Variants in PITPNC1 observed in about 807,000 individuals in gnomAD.
PITPNC1 encodes the protein cytoplasmic phosphatidylinositol transfer protein 1.
Under a neutral mutation model 44.7 loss-of-function variants are expected in PITPNC1, and 18 were observed. The observed-to-expected ratio is 0.40, with a 90% confidence interval of 0.28 to 0.60. The LOEUF is 0.60. PITPNC1 is among the 20% of genes least tolerant of loss of function. The pLI, the probability that PITPNC1 is intolerant of heterozygous loss-of-function variation, is 0.39. For missense variants in PITPNC1, 290 were observed against 418.4 expected (o/e 0.69, Z 2.68); for synonymous variants, 141 against 149.6 (o/e 0.94, Z 0.42).
At chr17:67,382,146 G>A (rs1344866962) in intron 1 of PITPNC1, among the ~76,000 whole-genome samples, 1 of 152,166 alleles carries the variant, frequency 6.6e-6, no homozygotes, top group African/African-American at 2.4e-5. Flanking sequence ...AACAGATAAA[G>A]TCAGCACTAT....
intron 1 of PITPNC1, among the ~76,000 whole-genome samples, chr17:67,525,612 ACACCACTTGG>A (rs1405993050): frequency 1.3e-5 from 2 of 152,204 alleles, no homozygotes; most frequent in Non-Finnish European, 2.9e-5. Flanking sequence ...TAGAATTTTG[ACACCACTTGG>A]CATGAAGCAA....
intron 8 of PITPNC1, among the ~76,000 whole-genome samples, chr17:67,677,256 G>T (rs1457529310): frequency 6.6e-6 from 1 of 152,076 alleles, no homozygotes; most frequent in Non-Finnish European, 1.5e-5. Flanking sequence ...AAGAATCATA[G>T]GTGCAAACTG....
At chr17:67,631,657 A>AAAATATATATATAT (rs1555574522) in intron 5 of PITPNC1, among the ~76,000 whole-genome samples, 7 of 7,672 alleles carry the variant, frequency 9.1e-4, no homozygotes, top group Admixed American at 2.2e-3. Flanking sequence ...AAAAAAAAAA[A>AAAATATATATATAT]ATATATATAT....
intron 1 of PITPNC1, among the ~76,000 whole-genome samples, chr17:67,407,807 GA>G (rs2038423343): frequency 6.6e-6 from 1 of 151,122 alleles, no homozygotes; most frequent in South Asian, 2.1e-4. Context: ...AAAAAAAAAA[GA>G]AAAACAAAAA....
At chr17:67,548,894 C>A (rs570550800) in intron 2 of PITPNC1, among the ~76,000 whole-genome samples, 12 of 152,228 alleles carry the variant, frequency 7.9e-5, no homozygotes, top group African/African-American at 2.9e-4. Context: ...TGACAGTATA[C>A]ATCATGAAAG....
chr17:67,586,425 CAAAAA>C (rs33998127), intron 5 of PITPNC1, among the ~76,000 whole-genome samples: 6 of 110,592 alleles, frequency 5.4e-5, no homozygotes, highest in East Asian at 2.4e-4. Context: ...GTTTCTACTT[CAAAAA>C]AAAAAAAAAA....
intron 1 of PITPNC1, among the ~76,000 whole-genome samples, chr17:67,467,584 C>A (rs1357879609): frequency 6.6e-6 from 1 of 152,162 alleles, no homozygotes; most frequent in Non-Finnish European, 1.5e-5. Context: ...TCTAGCTATA[C>A]TAACATGTCC....
intron 5 of PITPNC1, among the ~76,000 whole-genome samples, chr17:67,628,930 GC>G (rs2041929929): frequency 6.6e-6 from 1 of 152,148 alleles, no homozygotes; most frequent in Non-Finnish European, 1.5e-5. Flanking sequence ...GCCCTTTAGG[GC>G]CCCCTACTGA....
intron 1 of PITPNC1, among the ~76,000 whole-genome samples, chr17:67,409,425 C>T (rs906061046): frequency 6.6e-6 from 1 of 152,138 alleles, no homozygotes; most frequent in Non-Finnish European, 1.5e-5. Flanking sequence ...TTTGTCCCAG[C>T]ACCATTTGTT....
chr17:67,631,659 TATATATATATATAAA>T (rs2041972703), intron 5 of PITPNC1, among the ~76,000 whole-genome samples: 1 of 61,138 alleles, frequency 1.6e-5, no homozygotes, highest in African/African-American at 4.4e-5. Flanking sequence ...AAAAAAAAAA[TATATATATATATAAA>T]ATATATATTT....
At chr17:67,511,962 T>C (rs1222745056) in intron 1 of PITPNC1, among the ~76,000 whole-genome samples, 1 of 152,258 alleles carries the variant, frequency 6.6e-6, no homozygotes, top group Non-Finnish European at 1.5e-5. Flanking sequence ...TGGCCATTTG[T>C]ATTTCTTCTC....
chr17:67,392,163 G>T (rs999062561), intron 1 of PITPNC1, among the ~76,000 whole-genome samples: 1 of 152,152 alleles, frequency 6.6e-6, no homozygotes, highest in South Asian at 2.1e-4. Flanking sequence ...ACACACAAGC[G>T]ATACCATCAT....
At chr17:67,682,015 T>G (rs1399488116) in intron 8 of PITPNC1, among the ~76,000 whole-genome samples, 1 of 151,950 alleles carries the variant, frequency 6.6e-6, no homozygotes, top group South Asian at 2.1e-4. Flanking sequence ...CTGGACAACA[T>G]GGTGAAACCC....
intron 5 of PITPNC1, among the ~76,000 whole-genome samples, chr17:67,580,526 A>G (rs1481847727): frequency 1.3e-5 from 2 of 151,912 alleles, no homozygotes; most frequent in East Asian, 3.9e-4. Context: ...TTTTTTTTAG[A>G]GACGTGGTTG....
intron 5 of PITPNC1, among the ~76,000 whole-genome samples, chr17:67,593,327 G>T (rs567236828): frequency 2.6e-5 from 4 of 151,650 alleles, no homozygotes; most frequent in Middle Eastern, 3.4e-3. Context: ...GGACAGAATC[G>T]GAATCAAATA....
chr17:67,497,613 G>A (rs148929542), intron 1 of PITPNC1, among the ~76,000 whole-genome samples: 220 of 132,828 alleles, frequency 1.7e-3, no homozygotes, highest in Non-Finnish European at 3.0e-3. Context: ...CTGCAGTCTC[G>A]ACCTCCTAGG....
At chr17:67,671,670 G>A (rs116435903) in intron 7 of PITPNC1, among the ~76,000 whole-genome samples, 335 of 152,178 alleles carry the variant, frequency 2.2e-3, no homozygotes, top group African/African-American at 7.9e-3. Flanking sequence ...CCTTTCCCGT[G>A]CTCCAGAACC....
chr17:67,444,953 G>A (rs982228006), intron 1 of PITPNC1, among the ~76,000 whole-genome samples: 5 of 151,964 alleles, frequency 3.3e-5, no homozygotes, highest in African/African-American at 1.2e-4. Context: ...GGAGGAGGGA[G>A]GAACACAGAG....
intron 1 of PITPNC1, among the ~76,000 whole-genome samples, chr17:67,429,880 T>C (rs1309241603): frequency 6.6e-6 from 1 of 152,216 alleles, no homozygotes; most frequent in Non-Finnish European, 1.5e-5. Context: ...TCAGTAGTTA[T>C]GTGATGAATA....
Sources: gnomAD v4.1 joint callset for allele counts (sites outside exome capture counted in the v4.1 genomes callset) on GRCh38, gnomAD v4.1.1 for gene constraint, MANE v1.5 for transcripts, NCBI Gene and HGNC (gene_info 2026-07-23, HGNC 2026-07-21) for gene names.